Variants in RECK observed in about 807,000 individuals in gnomAD.
RECK encodes the protein reversion-inducing cysteine-rich protein with Kazal motifs.
In RECK, 69 loss-of-function variants were observed where a neutral mutation model predicts 115.1. The ratio of observed to expected loss-of-function variants is 0.60; its 90% CI spans 0.49 to 0.73. The LOEUF is 0.73. RECK is among the 30% of genes least tolerant of loss of function. The pLI is 0.00. For missense variants in RECK, 1,047 were observed against 1,203.7 expected (o/e 0.87, Z 1.93); for synonymous variants, 414 against 419.7 (o/e 0.99, Z 0.17).
At chr9:36,095,478 T>C (rs1823299743) in intron 10 of RECK, among the ~76,000 whole-genome samples, 1 of 152,242 alleles carries the variant, frequency 6.6e-6, no homozygotes, top group African/African-American at 2.4e-5. Flanking sequence ...CTTATGAGGC[T>C]AGCATTACCT....
At chr9:36,117,475 A>C (rs1387588397) in intron 17 of RECK, among the ~76,000 whole-genome samples, 1 of 152,232 alleles carries the variant, frequency 6.6e-6, no homozygotes, top group East Asian at 1.9e-4. Context: ...GGTCAACATC[A>C]TTCTTACTTC....
chr9:36,085,652 G>A (rs1346945273), intron 8 of RECK: 1 of 152,002 alleles, frequency 6.6e-6, no homozygotes, highest in Non-Finnish European at 1.5e-5. Context: ...AAGAGTTCAA[G>A]GTTGCAGTGA....
rs573909425 is a variant in RECK, at chr9:36,094,171, A to G, written c.1085+2828A>G. Among the ~76,000 whole-genome samples the G allele has an allele frequency of 9.9e-5, 15 of 152,102 alleles. No homozygotes were observed. Among genetic ancestry groups the G allele is most frequent in the African/African-American group, 3.6e-4 (15 of 41,566 alleles). On this transcript the variant is annotated intron_variant, in intron 10 of 20. Transcript: ENST00000377966. This position sits in a 1 kb window ranked among gnomAD's most constrained non-coding sequence, Gnocchi z 4.1. ...CTGGGATTGGTAAATGTTGGTAAAC[A>G]TGAAAAATATTTTTTCTTTATTTTC...
chr9:36,037,951 A>C (rs544833111), intron 1 of RECK, among the ~76,000 whole-genome samples: 42 of 149,856 alleles, frequency 2.8e-4, no homozygotes, highest in African/African-American at 1.0e-3. Flanking sequence ...GGACGTGTGC[A>C]TGCAAAAGTG....
At chr9:36,104,306 A>ATATATGTATATATATATATATATG (rs1823688278) in intron 12 of RECK, among the ~76,000 whole-genome samples, 2 of 54,336 alleles carry the variant, frequency 3.7e-5, no homozygotes, top group Admixed American at 5.0e-4. Context: ...ATATATATAT[A>ATATATGTATATATATATATATATG]TATATATATA....
rs201184262 is a variant in RECK at position 36,121,571 on chromosome 9, T to G, written c.2577T>G (p.Leu859=). ...AGCCAATAACAGTTCTGGAAATACT[T>G]CAGAAAATCCGCATGCACGTGTCTG... The part of the protein sequence containing the change: ...NKKPITVLEI[L]QKIRMHVSVP... Residue 859 remains leucine, a synonymous_variant, in exon 20 of 21, where the codon CTT becomes CTG. Transcript: ENST00000377966. 5.6e-5 allele frequency: 91 copies of G among 1,614,068 alleles called. No homozygotes were observed. In the East Asian group the frequency reaches 1.1e-3, roughly 19 times the overall value.
intron 14 of RECK, 120 bp downstream of exon 14, chr9:36,108,284 G>A: frequency 2.9e-6 from 2 of 690,602 alleles, no homozygotes; most frequent in Non-Finnish European, 4.6e-6. Context: ...CTCCAGGGCA[G>A]TATTTTTCAA....
chr9:36,089,158 T>A (rs901721682), intron 9 of RECK, among the ~76,000 whole-genome samples: 3 of 152,194 alleles, frequency 2.0e-5, no homozygotes. Context: ...GGCTTGTAAT[T>A]AAGGAAATTA....
At chr9:36,070,924 G>A (rs1310898216) in intron 6 of RECK, among the ~76,000 whole-genome samples, 3 of 152,146 alleles carry the variant, frequency 2.0e-5, no homozygotes, top group African/African-American at 7.2e-5. Context: ...TCAGTTCTAG[G>A]TTCTCTGCCT....
chr9:36,046,212 A>G (rs866435569), intron 1 of RECK, among the ~76,000 whole-genome samples: 52 of 152,194 alleles, frequency 3.4e-4, no homozygotes, highest in Non-Finnish European at 1.2e-4. Context: ...AGAATTCATT[A>G]TCTTCTCTTA....
chr9:36,098,635 T>C (rs1823451711), intron 10 of RECK, among the ~76,000 whole-genome samples: 1 of 152,120 alleles, frequency 6.6e-6, no homozygotes, highest in Admixed American at 6.5e-5. Flanking sequence ...TGAAAACATA[T>C]GTCCAAATAA....
intron 9 of RECK, 54 bp downstream of exon 9, chr9:36,088,015 A>G (rs1823031122): frequency 2.9e-6 from 4 of 1,376,104 alleles, no homozygotes; most frequent in Non-Finnish European, 4.1e-6. Context: ...ATTTTAATTA[A>G]TGATTTTAAG....
intron 1 of RECK, among the ~76,000 whole-genome samples, chr9:36,048,808 C>T (rs765237337): frequency 2.2e-4 from 34 of 152,180 alleles, no homozygotes; most frequent in Non-Finnish European, 4.1e-4. Flanking sequence ...TTACTTCCAA[C>T]TGGATATAAT....
At chr9:36,065,487 C>T in intron 5 of RECK, 90 bp from the exon 6 acceptor site, 1 of 893,644 alleles carries the variant, frequency 1.1e-6, no homozygotes, top group Non-Finnish European at 1.6e-6. Context: ...GATACTATAT[C>T]AGTAATTAAC....
At chr9:36,100,255 A>G (rs1564128537) in intron 10 of RECK, 76 bp from the exon 11 acceptor site, 4 of 1,183,278 alleles carry the variant, frequency 3.4e-6, no homozygotes. Flanking sequence ...ATGCATTAGT[A>G]TGTCAGGATT....
chr9:36,104,334 T>A (rs1299682223), intron 12 of RECK, among the ~76,000 whole-genome samples: 83 of 43,302 alleles, frequency 1.9e-3, no homozygotes, highest in East Asian at 9.0e-3. Flanking sequence ...ATATTTTTTT[T>A]TTTTTTTTTT....
intron 6 of RECK, among the ~76,000 whole-genome samples, chr9:36,079,498 A>G (rs1822593542): frequency 6.6e-6 from 1 of 152,176 alleles, no homozygotes; most frequent in Admixed American, 6.5e-5. Flanking sequence ...TAAATTGTTA[A>G]ATCAAGTGTG....
rs61673918 is a variant in RECK, at chr9:36,043,010, C to CTTTTTTTTTTTTTTTTTTTTTTTTTTTTT, written c.100+5914_100+5942dup. Among the ~76,000 whole-genome samples, 2 of 59,438 alleles carry CTTTTTTTTTTTTTTTTTTTTTTTTTTTTT rather than the reference C, an allele frequency of 3.4e-5. 1 individual carries two copies. Among genetic ancestry groups the CTTTTTTTTTTTTTTTTTTTTTTTTTTTTT allele is most frequent in the Admixed American group, 4.9e-4 (2 of 4,046 alleles). The allele number at this position is 59,438 out of a possible 152,430, so 39.0% of individuals were successfully genotyped here. On this transcript the variant is annotated intron_variant, in intron 1 of 20. Transcript: ENST00000377966. ...ACTGTCTATTCATGTCCTTAGCCCA[C>CTTTTTTTTTTTTTTTTTTTTTTTTTTTTT]TTTTTTTTTTTTTTTTTTTTTTTTT...
chr9:36,058,954 C>A, intron 3 of RECK, 53 bp downstream of exon 3: 1 of 1,207,996 alleles, frequency 8.3e-7, no homozygotes, highest in South Asian at 2.0e-5. Context: ...TGAAACTATC[C>A]AATGAATTAC....
Sources: allele counts gnomAD v4.1 joint callset (sites outside exome capture counted in the v4.1 genomes callset), GRCh38; gene constraint gnomAD v4.1.1; non-coding constraint Gnocchi (gnomAD v3.1); transcripts MANE v1.5; gene names NCBI Gene and HGNC (gene_info 2026-07-23, HGNC 2026-07-21).